KRT81: variants seen among roughly 807,000 people sequenced by gnomAD.
KRT81 encodes keratin, type II cuticular Hb1.
A neutral mutation model predicts 35.8 loss-of-function variants in KRT81; 35 were observed. The ratio of observed to expected loss-of-function variants is 0.98; its 90% CI spans 0.75 to 1.30. The LOEUF (loss-of-function observed/expected upper bound fraction) is 1.30, where lower values mean the gene tolerates loss of function less well. Ranked by LOEUF, KRT81 falls within the 50% of genes most tolerant of loss-of-function variation. KRT81 has a pLI of 0.00. For synonymous variants in KRT81, 249 were observed against 251.2 expected (o/e 0.99, Z 0.08); for missense variants, 531 against 577.4 (o/e 0.92, Z 0.82).
At chr12:52,288,608 A>G in intron 3 of KRT81, 152 bp from the exon 4 acceptor site, 1 of 990,742 alleles carries the variant, frequency 1.0e-6, no homozygotes. Flanking sequence ...TCCTGGGATG[A>G]GCTGGCATCC....
In KRT81 at chr12:52,287,118, C is replaced by A; in HGVS notation, c.1231G>T (p.Glu411Ter). 2 of 1,613,128 alleles carry A rather than the reference C, an allele frequency of 1.2e-6. No individual in the cohort carries two copies. The highest frequency in any genetic ancestry group is 1.7e-6 in the Non-Finnish European group (2 of 1,179,932). Residue 411 changes from glutamate to a stop codon, truncating the protein, a stop_gained, in exon 7 of 9, where the codon GAG becomes TAG. Transcript: ENST00000327741. LOFTEE classifies it low-confidence loss of function (END_TRUNC). ...TGGACCCACCTCTGCTCCTCGCCCT[C>A]CAGCAGGCGCCTGTAGGTGGCGATC... ...IEIATYRRLL[E>*]GEEQRLCEGI...
At chr12:52,288,306 C>T in intron 4 of KRT81, 55 bp downstream of exon 4, 2 of 1,611,630 alleles carry the variant, frequency 1.2e-6, no homozygotes, top group Admixed American at 1.7e-5. Flanking sequence ...CACTCCCACC[C>T]CCAACTCTCC....
rs1263930067 is a variant in KRT81 at position 52,287,973 on chromosome 12, G to T, written c.900+11C>A. The T allele has an allele frequency of 9.9e-6, 16 of 1,614,158 alleles. No individual in the cohort carries two copies. The highest frequency in any genetic ancestry group is 1.4e-5 in the Non-Finnish European group (16 of 1,180,030). ...GACACGTCTAGCAGGCAGGTGTCCTGTGCCACTCACCTTGCTGCGGTACCA... is the reference window on the plus strand; with the variant it reads ...GACACGTCTAGCAGGCAGGTGTCCTTTGCCACTCACCTTGCTGCGGTACCA... On this transcript the variant is annotated intron_variant, in intron 5 of 8. Coordinates refer to ENST00000327741, the MANE Select transcript of KRT81 (RefSeq NM_002281.4).
chr12:52,291,186 C>A lies in KRT81; in HGVS notation c.280G>T (p.Glu94Ter), dbSNP rs1938105274. The A allele has an allele frequency of 7.6e-7, 1 of 1,321,448 alleles. No individual in the cohort carries two copies. The highest frequency in any genetic ancestry group is 2.3e-5 in the Admixed American group (1 of 42,662). 81.9% of individuals were successfully genotyped at this position (1,321,448 alleles called of 1,614,324 possible). ...NESLLTPLNLEIDPNAQCVKQ... is the reference protein window; with the variant it reads ...NESLLTPLNL ...ACGCACTGCGCGTTGGGGTCGATCTCCAGGTTGAGGGGCGTGAGGAGGCTC... is the reference window on the plus strand; with the variant it reads ...ACGCACTGCGCGTTGGGGTCGATCTACAGGTTGAGGGGCGTGAGGAGGCTC... The change falls in exon 1 of 9, where the codon GAG becomes TAG. Residue 94 changes from glutamate to a stop codon, truncating the protein, a stop_gained. Transcript: ENST00000327741. LOFTEE classifies it high-confidence loss of function.
Position 52,286,411 on chromosome 12 carries a change from G to A in KRT81, c.1362C>T (p.Ser454=), listed in dbSNP as rs1382298736. Residue 454 remains serine (S), a synonymous_variant, in exon 9 of 9, where the codon AGC becomes AGT. Transcript: ENST00000327741. ...CCGCCACGTTCCCGTTGCACGGAGCGCTGCAGACACTGCCAGTCACTGGCC... is the reference window on the plus strand; with the variant it reads ...CCGCCACGTTCCCGTTGCACGGAGCACTGCAGACACTGCCAGTCACTGGCC... ...GSRPVTGSVC[S]APCNGNVAVS... is the part of the protein sequence containing the mutation. 8 of 1,554,232 alleles carry A rather than the reference G, an allele frequency of 5.1e-6. No homozygotes were observed. The East Asian group carries it at 9.7e-5, about 19-fold the overall frequency.
Position 52,288,586 on chromosome 12 carries a change from C to G in KRT81, c.640-130G>C, listed in dbSNP as rs1048903380. On this transcript the variant is annotated intron_variant, in intron 3 of 8. Transcript: ENST00000327741. ...GTGTCCCATTCCCATGCCTTTCCTC[C>G]CCTTCTGCCCTTCCTGGGATGAGCT... is the stretch of plus-strand genomic sequence containing the variant. 8.2e-6 allele frequency: 9 copies of G among 1,101,148 alleles called. No individual in the cohort carries two copies. In the African/African-American group the frequency reaches 1.2e-4, roughly 15 times the overall value. The allele number at this position is 1,101,148 out of a possible 1,614,324, so 68.2% of individuals were successfully genotyped here.
At chr12:52,286,998 A>T in intron 7 of KRT81, 104 bp downstream of exon 7, 1 of 1,597,270 alleles carries the variant, frequency 6.3e-7, no homozygotes, top group Non-Finnish European at 8.6e-7. Context: ...GAATAATAAT[A>T]TTTTTTTCCC....
intron 3 of KRT81, among the ~76,000 whole-genome samples, chr12:52,288,740 C>T (rs554694545): frequency 6.6e-6 from 1 of 152,150 alleles, no homozygotes; most frequent in African/African-American, 2.4e-5. Flanking sequence ...CCCAGACTGA[C>T]CCCCCAGCTC....
intron 3 of KRT81, among the ~76,000 whole-genome samples, chr12:52,288,824 C>T (rs984075329): frequency 2.0e-5 from 3 of 152,066 alleles, no homozygotes; most frequent in African/African-American, 7.3e-5. Context: ...CTTCTCCATC[C>T]CCCCTTAGAC....
rs1443070336 is a variant in KRT81 at position 52,288,403 on chromosome 12, G to A, written c.693C>T (p.Ala231=). The A allele has an allele frequency of 6.2e-7, 1 of 1,614,118 alleles. No homozygotes were observed. Among genetic ancestry groups the A allele is most frequent in the Non-Finnish European group, 8.5e-7 (1 of 1,180,024 alleles). ...TCAGGAAGTCGATCTCCTGGATCAGGGCCTCCACGTTGGCCTCCAGGTCTG... is the reference window on the plus strand; with the variant it reads ...TCAGGAAGTCGATCTCCTGGATCAGAGCCTCCACGTTGGCCTCCAGGTCTG... The part of the protein sequence containing the change: ...RKSDLEANVE[A]LIQEIDFLRR... The change falls in exon 4 of 9, where the codon GCC becomes GCT. Residue 231 remains alanine, a synonymous_variant. Transcript: ENST00000327741.
rs1197209642 is a variant in KRT81 at position 52,291,319 on chromosome 12, G to C, written c.147C>G (p.Ser49Arg). 1.9e-6 allele frequency: 3 copies of C among 1,551,510 alleles called. No individual in the cohort carries two copies. Among genetic ancestry groups the C allele is most frequent in the Non-Finnish European group, 2.6e-6 (3 of 1,149,428 alleles). ...RGLTGGFGSH[S>R]VCGGFRAGSC... is the part of the protein sequence containing the mutation. Reference sequence around the variant, plus strand: ...AGCCGGCCCGAAAGCCTCCGCACACGCTGTGGCTGCCGAAGCCCCCGGTGA... The same window carrying C: ...AGCCGGCCCGAAAGCCTCCGCACACCCTGTGGCTGCCGAAGCCCCCGGTGA... The change falls in exon 1 of 9, where the codon AGC becomes AGG. Residue 49 changes from serine to arginine, a missense_variant. Physicochemically the swap from Ser to Arg is moderately radical, Grantham distance 110. Around this residue, in one of 5 missense-constraint regions of KRT81, gnomAD observed 133 missense variants for 125.9 expected, o/e 1.06. Transcript: ENST00000327741.
intron 5 of KRT81, 79 bp from the exon 6 acceptor site, chr12:52,287,800 T>G: frequency 6.2e-7 from 1 of 1,612,810 alleles, no homozygotes. Flanking sequence ...ATTTTGCAGG[T>G]TGTACAGTGC....
Position 52,291,260 on chromosome 12 carries a change from C to T in KRT81, c.206G>A (p.Gly69Asp), listed in dbSNP as rs766920970. ...CGRSFGYRSG[G>D]VCGPSPPCIT... The stretch of plus-strand genomic sequence containing the variant: ...GCATGGGGGACTGGGCCCGCACACG[C>T]CCCCGGAGCGGTAGCCGAAGCTGCG... The change falls in exon 1 of 9, where the codon GGC becomes GAC. Residue 69 changes from glycine to aspartate, a missense_variant. Coordinates refer to ENST00000327741, the MANE Select transcript of KRT81 (RefSeq NM_002281.4). 4.6e-6 allele frequency: 7 copies of T among 1,525,280 alleles called. No individual in the cohort carries two copies. In the East Asian group the frequency reaches 7.4e-5, roughly 16 times the overall value. 94.5% of individuals were successfully genotyped at this position (1,525,280 alleles called of 1,614,324 possible). A position where few individuals can be genotyped will look rare whatever the true frequency, so the allele number is the denominator to read the frequency against.
chr12:52,286,861 C>T (rs370632532), intron 7 of KRT81, 39 bp from the exon 8 acceptor site: 1 of 1,611,584 alleles, frequency 6.2e-7, no homozygotes, highest in East Asian at 2.2e-5. Context: ...TAGTGACTGC[C>T]CCAGAGTGGC....
intron 6 of KRT81, 103 bp downstream of exon 6, chr12:52,287,493 G>A: frequency 6.2e-7 from 1 of 1,606,416 alleles, no homozygotes; most frequent in South Asian, 1.1e-5. Context: ...CATGGACAAA[G>A]GGGGTGGAGA....
chr12:52,291,040 C>T (rs1178852424), intron 1 of KRT81, 57 bp downstream of exon 1: 1 of 481,326 alleles, frequency 2.1e-6, no homozygotes, highest in Non-Finnish European at 3.4e-6. Flanking sequence ...CCTTAGTGCC[C>T]GGCCCTGGCT....
At chr12:52,287,356 G>C (rs1453009889) in intron 6 of KRT81, 34 bp from the exon 7 acceptor site, 2 of 1,612,464 alleles carry the variant, frequency 1.2e-6, no homozygotes, top group African/African-American at 2.7e-5. Context: ...GTAGATTAGA[G>C]TCCCTGGGTC....
In KRT81 at chr12:52,287,985, T is replaced by A. The variant is rs754935498; in HGVS notation, c.899A>T (p.Lys300Met). 1.2e-6 allele frequency: 2 copies of A among 1,614,210 alleles called. No homozygotes were observed. Among genetic ancestry groups the A allele is most frequent in the Non-Finnish European group, 1.7e-6 (2 of 1,180,042 alleles). The change falls in exon 5 of 9, where the codon AAG becomes ATG. Residue 300 changes from lysine (K) to methionine (M), a missense_variant and splice_region_variant. Transcript: ENST00000327741. ...RAEAESWYRS[K>M]CEEMKATVIR... is the part of the protein sequence containing the mutation. Reference sequence around the variant, plus strand: ...AGGCAGGTGTCCTGTGCCACTCACCTTGCTGCGGTACCAGGACTCGGCCTC... The same window carrying A: ...AGGCAGGTGTCCTGTGCCACTCACCATGCTGCGGTACCAGGACTCGGCCTC...
In KRT81 at chr12:52,288,189, C is replaced by T. The variant is rs757731348; in HGVS notation, c.736-41G>A. 4 of 1,600,334 alleles carry T rather than the reference C, an allele frequency of 2.5e-6. No homozygotes were observed. In the South Asian group the frequency reaches 3.3e-5, roughly 13 times the overall value. ...GCAGTGACTTTAGTTGAGAATACAG[C>T]CCCACCCACCATGTCCTGACTCCAC... On this transcript the variant is annotated intron_variant, in intron 4 of 8. Transcript: ENST00000327741.
Sources: gnomAD v4.1 joint callset for allele counts (sites outside exome capture counted in the v4.1 genomes callset) on GRCh38, gnomAD v4.1.1 for gene constraint, gnomAD v4.1.1 regional missense constraint, MANE v1.5 for transcripts, NCBI Gene and HGNC (gene_info 2026-07-23, HGNC 2026-07-21) for gene names.